POU6F2: variants seen among roughly 807,000 people sequenced by gnomAD.
POU6F2 encodes the protein POU domain, class 6, transcription factor 2.
POU6F2 carries 31 observed loss-of-function variants against 71.3 expected under a neutral mutation model. The observed-to-expected ratio is 0.43, with a 90% CI of 0.33 to 0.59. POU6F2 has a LOEUF of 0.59. POU6F2 is among the 20% of genes least tolerant of loss of function. The probability of loss-of-function intolerance (pLI) is 0.04; values close to 1 mark genes in which losing one functional copy is unlikely to be tolerated. For synonymous variants in POU6F2, 347 were observed against 355.7 expected, an observed-to-expected ratio of 0.98 and a Z score of 0.27; for missense variants, 783 against 856.8, an observed-to-expected ratio of 0.91 and a Z score of 1.07.
intron 2 of POU6F2, among the ~76,000 whole-genome samples, chr7:39,137,142 TA>T (rs1363101225): frequency 6.6e-6 from 1 of 152,110 alleles, no homozygotes; most frequent in Non-Finnish European, 1.5e-5. Flanking sequence ...AAGAGGATTT[TA>T]AATGCTCACC....
At position 39,072,593 on chromosome 7, in the gene POU6F2, G is replaced by A. The variant is rs75241256; in HGVS notation, c.106-13267G>A. ...ACGTTAGCCATTCTAGGTGCTTGAG[G>A]ATATTAAGTCAGCAATTCTTTACAA... On this transcript the variant is annotated intron_variant, in intron 1 of 9. Transcript: ENST00000518318. Among the ~76,000 whole-genome samples, 3 of 152,300 alleles carry A rather than the reference G, an allele frequency of 2.0e-5. No individual in the cohort carries two copies. The East Asian group carries it at 5.8e-4, about 29-fold the overall frequency.
chr7:39,141,492 T>G (rs1239742143), intron 2 of POU6F2, among the ~76,000 whole-genome samples: 3 of 152,234 alleles, frequency 2.0e-5, no homozygotes, highest in African/African-American at 7.2e-5. Flanking sequence ...ATATTTATTC[T>G]GCAAGATATC....
intron 4 of POU6F2, among the ~76,000 whole-genome samples, chr7:39,211,684 A>ACAGC (rs1046010063): frequency 6.6e-6 from 1 of 152,174 alleles, no homozygotes; most frequent in Non-Finnish European, 1.5e-5. Context: ...GATCCTAGGA[A>ACAGC]CAGCCCTGTA....
At chr7:39,352,617 C>G (rs1013464685) in intron 5 of POU6F2, among the ~76,000 whole-genome samples, 2 of 152,154 alleles carry the variant, frequency 1.3e-5, no homozygotes, top group African/African-American at 4.8e-5. Context: ...TACAAAATGA[C>G]ATTCATAGTA....
chr7:39,252,262 C>T (rs1294868786), intron 4 of POU6F2, among the ~76,000 whole-genome samples: 2 of 151,836 alleles, frequency 1.3e-5, no homozygotes, highest in African/African-American at 4.8e-5. Flanking sequence ...GAGTGTGGGT[C>T]CCCTTCCAAC....
chr7:39,273,817 C>T (rs564211020), intron 4 of POU6F2, among the ~76,000 whole-genome samples: 4 of 152,064 alleles, frequency 2.6e-5, no homozygotes, highest in African/African-American at 9.6e-5. Flanking sequence ...GTTAAAGGCA[C>T]TGCCTTAGAG....
chr7:39,385,881 A>C (rs1786927088), intron 5 of POU6F2, among the ~76,000 whole-genome samples: 3 of 152,074 alleles, frequency 2.0e-5, no homozygotes, highest in Non-Finnish European at 4.4e-5. Context: ...TAAAGAACCA[A>C]CTTAGGGCAG....
intron 5 of POU6F2, among the ~76,000 whole-genome samples, chr7:39,393,133 T>C (rs985239475): frequency 3.9e-5 from 6 of 152,198 alleles, no homozygotes; most frequent in African/African-American, 1.2e-4. Flanking sequence ...CAGGTAGTGG[T>C]TCTTACTGTT....
At chr7:39,277,702 G>A (rs998666274) in intron 4 of POU6F2, among the ~76,000 whole-genome samples, 3 of 152,074 alleles carry the variant, frequency 2.0e-5, no homozygotes, top group Non-Finnish European at 4.4e-5. Flanking sequence ...CAGAGGTTGG[G>A]CCACCGAAGT....
At chr7:39,451,402 G>A (rs1788656135) in intron 7 of POU6F2, 131 bp from the exon 8 acceptor site, 2 of 959,518 alleles carry the variant, frequency 2.1e-6, no homozygotes. Flanking sequence ...TGTGTAGGGT[G>A]CGCACTCTTC....
rs1794035484 is a variant in POU6F2 at position 39,207,373 on chromosome 7, T to A, written c.370-19T>A. ...TGGTTCCACAGGAAAGTGAGCTAGC[T>A]GTATCTGTTTCCTTGCAGCCACTTC... On this transcript the variant is annotated intron_variant, in intron 3 of 9. Transcript: ENST00000518318. 6.2e-7 allele frequency: 1 copy of A among 1,611,226 alleles called. No individual in the cohort carries two copies. Among genetic ancestry groups the A allele is most frequent in the African/African-American group, 1.3e-5 (1 of 74,908 alleles).
chr7:39,381,992 C>G (rs1786838671), intron 5 of POU6F2, among the ~76,000 whole-genome samples: 1 of 152,026 alleles, frequency 6.6e-6, no homozygotes, highest in African/African-American at 2.4e-5. Flanking sequence ...TTAGAAATTC[C>G]TCTGTCCAGC....
At chr7:39,030,407 G>T (rs1156591487) in intron 1 of POU6F2, among the ~76,000 whole-genome samples, 2 of 146,166 alleles carry the variant, frequency 1.4e-5, no homozygotes, top group Admixed American at 6.9e-5. Flanking sequence ...CTCTCTTTTT[G>T]TCTAGATCAC....
chr7:39,438,870 G>C (rs535386253), intron 7 of POU6F2, among the ~76,000 whole-genome samples: 1 of 152,256 alleles, frequency 6.6e-6, no homozygotes, highest in African/African-American at 2.4e-5. Flanking sequence ...GGTCTATTAG[G>C]TCCACTTGAT....
chr7:39,282,555 G>C (rs1784580090), intron 4 of POU6F2, among the ~76,000 whole-genome samples: 1 of 152,042 alleles, frequency 6.6e-6, no homozygotes, highest in Admixed American at 6.6e-5. Flanking sequence ...TTCCCAATAT[G>C]TGTTCTTGGC....
intron 4 of POU6F2, among the ~76,000 whole-genome samples, chr7:39,312,862 T>C (rs1000635454): frequency 3.3e-5 from 5 of 152,028 alleles, no homozygotes; most frequent in African/African-American, 7.2e-5. Context: ...GGGGACAGAG[T>C]GGGACGGTGT....
chr7:39,443,350 G>A (rs1017540002), intron 7 of POU6F2, among the ~76,000 whole-genome samples: 2 of 152,198 alleles, frequency 1.3e-5, no homozygotes, highest in Admixed American at 1.3e-4. Context: ...TCTCAGGTAT[G>A]TGCACGCTGA....
chr7:39,023,175 T>C (rs1789717599), intron 1 of POU6F2, among the ~76,000 whole-genome samples: 1 of 152,086 alleles, frequency 6.6e-6, no homozygotes, highest in Admixed American at 6.6e-5. Context: ...TTTTGCCTAG[T>C]TTTAAGATTA....
intron 4 of POU6F2, among the ~76,000 whole-genome samples, chr7:39,335,096 C>T (rs1403096344): frequency 6.6e-6 from 1 of 152,212 alleles, no homozygotes; most frequent in Non-Finnish European, 1.5e-5. Context: ...CGCCCTATGT[C>T]TAAGCATGGA....
Sources: allele counts gnomAD v4.1 joint callset (sites outside exome capture counted in the v4.1 genomes callset), GRCh38; gene constraint gnomAD v4.1.1; transcripts MANE v1.5; gene names NCBI Gene and HGNC (gene_info 2026-07-23, HGNC 2026-07-21).